MAN2B1: variants seen among roughly 807,000 people sequenced by gnomAD.
MAN2B1 encodes mannosidase alpha class 2B member 1.
In MAN2B1, 99 loss-of-function variants were observed where a neutral mutation model predicts 127.5. The ratio of observed to expected loss-of-function variants is 0.78; its 90% confidence interval spans 0.66 to 0.92. The LOEUF (loss-of-function observed/expected upper bound fraction) is 0.92. Ranked by LOEUF, MAN2B1 falls within the 40% of genes least tolerant of loss-of-function variation. The pLI, the probability that MAN2B1 is intolerant of heterozygous loss-of-function variation, is 0.00. For missense variants in MAN2B1, 1,304 were observed against 1,384.8 expected (o/e 0.94, Z 0.93); for synonymous variants, 573 against 568.8 (o/e 1.01, Z -0.11).
chr19:12,647,324 G>T lies in MAN2B1; in HGVS notation c.2832C>A (p.Ser944=). 1 of 1,614,112 alleles carries T rather than the reference G, an allele frequency of 6.2e-7. No homozygotes were observed. ...PVTLNLRDLF[S]TFTITRLQET... The stretch of plus-strand genomic sequence containing the variant: ...CCTGCAGGCGGGTGATGGTGAAGGT[G>T]GAGAACAGGTCCTGCGGGGAAGGGG... Residue 944 remains serine (S), a synonymous_variant, in exon 23 of 24, where the codon TCC becomes TCA. Transcript: ENST00000456935. The surrounding 1 kb of genome is among the most constrained non-coding windows in gnomAD (Gnocchi z 4.9).
rs1555710254 is a variant in MAN2B1 at position 12,666,542 on chromosome 19, C to T, written c.159+1G>A. The T allele has an allele frequency of 6.3e-7, 1 of 1,581,370 alleles. No homozygotes were observed. Among genetic ancestry groups the T allele is most frequent in the Non-Finnish European group, 8.6e-7 (1 of 1,163,906 alleles). ...CGTTTCAGCTCGGAGGCCCCACTCA[C>T]CTCGTATCCCCCGGCCCGAGCACCG... On this transcript the variant is annotated splice_donor_variant, in intron 1 of 23. Transcript: ENST00000456935. LOFTEE classifies it high-confidence loss of function.
rs1164976072 is a variant in MAN2B1, at chr19:12,652,149, T to C, written c.2046+4A>G. ...CTGCCCACTCATCATTCCTAGTCCC[T>C]GACCTTCACCAGGTGGATCTGAGCC... On this transcript the variant is annotated splice_donor_region_variant and intron_variant, in intron 16 of 23. Transcript: ENST00000456935. 1.2e-6 allele frequency: 2 copies of C among 1,611,918 alleles called. No individual in the cohort carries two copies. Among genetic ancestry groups the C allele is most frequent in the Admixed American group, 3.3e-5 (2 of 59,990 alleles).
Position 12,663,436 on chromosome 19 carries a change from G to C in MAN2B1, c.790C>G (p.Pro264Ala). The change falls in exon 6 of 24, where the codon CCA (proline) becomes GCA (alanine). Residue 264 changes from proline to alanine, a missense_variant. By Grantham distance (27) the Pro-to-Ala change is conservative. Transcript: ENST00000456935. ...TGVLPNGYNP[P>A]RNLCWDVLCV... ...AGCACATCCCAGCACAGATTCCTTGGCGGGTTGTAACCATTGGGAAGCACA... is the reference window on the plus strand; with the variant it reads ...AGCACATCCCAGCACAGATTCCTTGCCGGGTTGTAACCATTGGGAAGCACA... 2 of 1,614,110 alleles carry C rather than the reference G, an allele frequency of 1.2e-6. No homozygotes were observed. Among genetic ancestry groups the C allele is most frequent in the Non-Finnish European group, 1.7e-6 (2 of 1,180,028 alleles).
In MAN2B1 at chr19:12,649,332, G is replaced by A. The variant is rs1293149729; in HGVS notation, c.2355+9C>T. 2 of 1,611,778 alleles carry A rather than the reference G, an allele frequency of 1.2e-6. No individual in the cohort carries two copies. Among genetic ancestry groups the A allele is most frequent in the Non-Finnish European group, 1.7e-6 (2 of 1,178,098 alleles). On this transcript the variant is annotated intron_variant, in intron 19 of 23. Coordinates refer to ENST00000456935, the MANE Select transcript of MAN2B1 (RefSeq NM_000528.4). ...CGAGGTGGGGAGGTGCAGGATGGGG[G>A]AGAGCTACCGTGATGTAAATCCGGG...
chr19:12,649,958 C>T lies in MAN2B1; in HGVS notation c.2222G>A (p.Gly741Glu), dbSNP rs1212400667. 1 of 1,613,730 alleles carries T rather than the reference C, an allele frequency of 6.2e-7. No homozygotes were observed. The highest frequency in any genetic ancestry group is 8.5e-7 in the Non-Finnish European group (1 of 1,179,844). The stretch of plus-strand genomic sequence containing the variant: ...GCCATTGCTGTCTGTGTAGAAGCGT[C>T]CCTTTGTCTCCAGCGGTGTGTCAAA... ...SRFDTPLETKGRFYTDSNGRE... is the reference protein window; with the variant it reads ...SRFDTPLETKERFYTDSNGRE... Residue 741 changes from glycine to glutamate, a missense_variant, in exon 18 of 24, where the codon GGA becomes GAA. Gly to Glu is a moderately conservative substitution (Grantham distance 98). Coordinates refer to ENST00000456935, the MANE Select transcript of MAN2B1 (RefSeq NM_000528.4).
Position 12,646,612 on chromosome 19 carries a change from C to T in MAN2B1, c.*8G>A, listed in dbSNP as rs1266980235. On this transcript the variant is annotated 3_prime_UTR_variant, in exon 24 of 24. Transcript: ENST00000456935. ...AGGCTTGGGCTTGGAGGGCCCATCC[C>T]AGCAGACCTAACCATCCACCTCCTT... 1.9e-6 allele frequency: 3 copies of T among 1,601,204 alleles called. No individual in the cohort carries two copies. Among genetic ancestry groups the T allele is most frequent in the Non-Finnish European group, 2.6e-6 (3 of 1,168,258 alleles).
chr19:12,654,251 C>T (rs2145246317), intron 14 of MAN2B1, among the ~76,000 whole-genome samples: 1 of 152,018 alleles, frequency 6.6e-6, no homozygotes, highest in East Asian at 1.9e-4. Flanking sequence ...ACCGTGTTAG[C>T]CAGGATGGTC....
chr19:12,665,848 C>T (rs2031041925), intron 1 of MAN2B1, 43 bp from the exon 2 acceptor site: 3 of 1,505,988 alleles, frequency 2.0e-6, no homozygotes, highest in Middle Eastern at 1.7e-4. Context: ...CAATAACCCC[C>T]GAGGTCGGGG....
chr19:12,657,954 CAAAAAAAAAAAAA>C (rs35296973), intron 10 of MAN2B1, 96 bp downstream of exon 10: 17 of 485,746 alleles, frequency 3.5e-5, no homozygotes, highest in Non-Finnish European at 5.4e-5. Context: ...GACTCCGTCT[CAAAAAAAAAAAAA>C]AAAAAAAAAA....
chr19:12,652,523 ATTTTTCT>A (rs1258597380), intron 14 of MAN2B1, 63 bp from the exon 15 acceptor site: 7 of 1,189,610 alleles, frequency 5.9e-6, no homozygotes, highest in South Asian at 2.6e-5. Context: ...TCTTTTTTTA[ATTTTTCT>A]TTTTTCTTTT....
At chr19:12,657,686 C>T (rs1359446913) in intron 10 of MAN2B1, 131 bp from the exon 11 acceptor site, 16 of 808,518 alleles carry the variant, frequency 2.0e-5, no homozygotes, top group South Asian at 1.9e-4. Context: ...CGGCTGGGGG[C>T]GGTGGCTCAC....
Position 12,646,643 on chromosome 19 carries a change from G to A in MAN2B1, c.3013C>T (p.Gln1005Ter), listed in dbSNP as rs1456738066. The change falls in exon 24 of 24, where the codon CAA becomes TAA. Residue 1005 changes from glutamine to a stop codon, truncating the protein, a stop_gained. Transcript: ENST00000456935. LOFTEE classifies it high-confidence loss of function. ...ACCTAACCATCCACCTCCTTCCATT[G>A]AACTGAGGCCAGGAAAGTGCGGATT... ...MEIRTFLASV[Q>*]WKEVDG 6.2e-7 allele frequency: 1 copy of A among 1,613,692 alleles called. No individual in the cohort carries two copies. The highest frequency in any genetic ancestry group is 1.7e-5 in the Admixed American group (1 of 60,000).
Position 12,665,397 on chromosome 19 carries a change from G to T in MAN2B1, c.391C>A (p.Gln131Lys). The T allele has an allele frequency of 1.2e-6, 2 of 1,611,948 alleles. No individual in the cohort carries two copies. ...IAFFSRWWHQ[Q>K]TNATQEVVRD... Reference sequence around the variant, plus strand: ...ACGACTTCCTGTGTGGCATTTGTCTGCTGGTGCCACCAACGGGAGAAGAAG... The same window carrying T: ...ACGACTTCCTGTGTGGCATTTGTCTTCTGGTGCCACCAACGGGAGAAGAAG... The change falls in exon 3 of 24, where the codon CAG becomes AAG. Residue 131 changes from glutamine (Q) to lysine (K), a missense_variant. Gln to Lys is a moderately conservative substitution (Grantham distance 53). Coordinates refer to ENST00000456935, the MANE Select transcript of MAN2B1 (RefSeq NM_000528.4).
chr19:12,657,075 G>A lies in MAN2B1; in HGVS notation c.1420-19C>T. On this transcript the variant is annotated intron_variant, in intron 11 of 23. Transcript: ENST00000456935. ...GAAGAACCTGCGGAAGAGCGCAAAGGGACCGGTGGGTTCAGGACGCCAGGC... is the reference window on the plus strand; with the variant it reads ...GAAGAACCTGCGGAAGAGCGCAAAGAGACCGGTGGGTTCAGGACGCCAGGC... 3 of 1,496,566 alleles carry A rather than the reference G, an allele frequency of 2.0e-6. No individual in the cohort carries two copies. In the South Asian group the frequency reaches 3.4e-5, roughly 17 times the overall value. 92.7% of individuals were successfully genotyped at this position (1,496,566 alleles called of 1,614,324 possible). A position where few individuals can be genotyped will look rare whatever the true frequency, so the allele number is the denominator to read the frequency against.
At position 12,646,664 on chromosome 19, in the gene MAN2B1, G is replaced by A. The variant is rs758755293; in HGVS notation, c.2992C>T (p.Arg998Cys). Residue 998 changes from arginine to cysteine, a missense_variant, in exon 24 of 24, where the codon CGC becomes TGC. Physicochemically the swap from Arg to Cys is radical, Grantham distance 180. Transcript: ENST00000456935. ...ANITLEPMEI[R>C]TFLASVQWKE... Reference sequence around the variant, plus strand: ...CATTGAACTGAGGCCAGGAAAGTGCGGATTTCCATGGGTTCCAGCGTGATG... The same window carrying A: ...CATTGAACTGAGGCCAGGAAAGTGCAGATTTCCATGGGTTCCAGCGTGATG... The A allele has an allele frequency of 2.5e-5, 40 of 1,613,952 alleles. No homozygotes were observed. The highest frequency in any genetic ancestry group is 1.6e-4 in the Middle Eastern group (1 of 6,084).
At position 12,658,029 on chromosome 19, in the gene MAN2B1, G is replaced by T. The variant is rs34324185; in HGVS notation, c.1309+34C>A. On this transcript the variant is annotated intron_variant, in intron 10 of 23. Transcript: ENST00000456935. ...CTAGGGGTGGTTTCCAACTTCAGCC[G>T]CAAACCTCTTCCCCTCTTGGGCCCG... 528,380 of 1,546,960 alleles carry T rather than the reference G, an allele frequency of 0.34. 94,185 individuals are homozygous for T. Among genetic ancestry groups the T allele is most frequent in the Middle Eastern group, 0.4 (2,120 of 5,306 alleles).
chr19:12,649,263 G>T, intron 19 of MAN2B1, 47 bp from the exon 20 acceptor site: 1 of 1,602,794 alleles, frequency 6.2e-7, no homozygotes, highest in Middle Eastern at 1.7e-4. Context: ...CCCAACCCCA[G>T]GCAGCTTTGA....
In MAN2B1 at chr19:12,655,803, C is replaced by G; in HGVS notation, c.1721G>C (p.Gly574Ala). 1 of 1,613,010 alleles carries G rather than the reference C, an allele frequency of 6.2e-7. No individual in the cohort carries two copies. The highest frequency in any genetic ancestry group is 8.5e-7 in the Non-Finnish European group (1 of 1,179,318). ...LLFSASLPAL[G>A]FSTYSVAQVP... ...CTGGGCTACTGAATAGGTGCTGAAGCCCAGGGCGGGCAGTGAGGCTGAGAA... is the reference window on the plus strand; with the variant it reads ...CTGGGCTACTGAATAGGTGCTGAAGGCCAGGGCGGGCAGTGAGGCTGAGAA... The change falls in exon 14 of 24, where the codon GGC (glycine) becomes GCC (alanine). Residue 574 changes from glycine (G) to alanine (A), a missense_variant. Transcript: ENST00000456935.
At chr19:12,648,769 T>C (rs1406488961) in intron 20 of MAN2B1, among the ~76,000 whole-genome samples, 1 of 151,646 alleles carries the variant, frequency 6.6e-6, no homozygotes, top group Non-Finnish European at 1.5e-5. Flanking sequence ...CCGAGGTGAG[T>C]GGATCACCTG....
Sources: allele counts gnomAD v4.1 joint callset (sites outside exome capture counted in the v4.1 genomes callset), GRCh38; gene constraint gnomAD v4.1.1; non-coding constraint Gnocchi (gnomAD v3.1); transcripts MANE v1.5; gene names NCBI Gene and HGNC (gene_info 2026-07-23, HGNC 2026-07-21).